ADGRL3: variants seen among roughly 807,000 people sequenced by gnomAD.
ADGRL3 encodes the protein calcium-independent alpha-latrotoxin receptor 3.
In ADGRL3, 62 loss-of-function variants were observed where a neutral mutation model predicts 153.5. The observed-to-expected ratio is 0.40, with a 90% CI of 0.33 to 0.50. ADGRL3 has a LOEUF of 0.50. Ranked by LOEUF, ADGRL3 falls within the 20% of genes least tolerant of loss-of-function variation. The pLI, the probability that ADGRL3 is intolerant of heterozygous loss-of-function variation, is 0.47. For missense variants in ADGRL3, 1,641 were observed against 1,859.4 expected (o/e 0.88, Z 2.16); for synonymous variants, 710 against 672.5 (o/e 1.06, Z -0.86).
chr4:61,948,611 A>G (rs896785099), intron 17 of ADGRL3, among the ~76,000 whole-genome samples: 2 of 152,190 alleles, frequency 1.3e-5, no homozygotes, highest in African/African-American at 2.4e-5. Flanking sequence ...GTTGGTTTAG[A>G]AAGCTGGGAC....
At chr4:61,960,931 A>G (rs2098985536) in intron 17 of ADGRL3, among the ~76,000 whole-genome samples, 1 of 152,020 alleles carries the variant, frequency 6.6e-6, no homozygotes, top group Non-Finnish European at 1.5e-5. Context: ...GAGGGTTTCG[A>G]TCTCTTGACC....
At chr4:61,488,173 T>C (rs2098218373) in intron 2 of ADGRL3, among the ~76,000 whole-genome samples, 1 of 151,986 alleles carries the variant, frequency 6.6e-6, no homozygotes, top group Non-Finnish European at 1.5e-5. Flanking sequence ...TTAATAGACA[T>C]TTATTAGATC....
At chr4:61,902,559 A>G (rs184095348) in intron 11 of ADGRL3, among the ~76,000 whole-genome samples, 1 of 152,104 alleles carries the variant, frequency 6.6e-6, no homozygotes. Flanking sequence ...CTTCATCATG[A>G]CTTCTAAACC....
chr4:61,692,333 T>G (rs1020797511), intron 6 of ADGRL3, among the ~76,000 whole-genome samples: 2 of 60,750 alleles, frequency 3.3e-5, no homozygotes, highest in Non-Finnish European at 5.7e-5. Context: ...TTCCCCTCTA[T>G]TTCTCAACCC....
intron 21 of ADGRL3, among the ~76,000 whole-genome samples, chr4:61,998,927 T>TC (rs1013454746): frequency 2.6e-4 from 40 of 151,604 alleles, no homozygotes; most frequent in African/African-American, 9.5e-4. Context: ...ACACTCCATC[T>TC]CCCCCTCCAG....
chr4:62,024,285 T>C (rs867325813), intron 21 of ADGRL3, among the ~76,000 whole-genome samples: 4 of 152,218 alleles, frequency 2.6e-5, no homozygotes, highest in African/African-American at 9.6e-5. Flanking sequence ...TGTTTTGCCT[T>C]CAAATTTGCA....
chr4:61,610,023 A>G (rs2099046938), intron 5 of ADGRL3, among the ~76,000 whole-genome samples: 1 of 151,940 alleles, frequency 6.6e-6, no homozygotes, highest in African/African-American at 2.4e-5. Context: ...AATTATATCA[A>G]GATTATAGTA....
chr4:61,852,949 T>G (rs1236816170), intron 9 of ADGRL3, among the ~76,000 whole-genome samples: 1 of 152,142 alleles, frequency 6.6e-6, no homozygotes, highest in Non-Finnish European at 1.5e-5. Flanking sequence ...GAAACTTTAG[T>G]GCTATAGAGG....
intron 19 of ADGRL3, among the ~76,000 whole-genome samples, chr4:61,986,783 A>G (rs938212254): frequency 5.3e-5 from 8 of 152,208 alleles, no homozygotes; most frequent in African/African-American, 1.9e-4. Flanking sequence ...TTGTAAATAA[A>G]TTGTCCACAC....
intron 9 of ADGRL3, among the ~76,000 whole-genome samples, chr4:61,826,359 G>C (rs147039369): frequency 5.8e-4 from 89 of 152,238 alleles, no homozygotes; most frequent in African/African-American, 2.1e-3. Flanking sequence ...ACTAAGTAAG[G>C]CCTCCTATTT....
chr4:61,605,837 A>G lies in ADGRL3; in HGVS notation c.473+18397A>G, dbSNP rs1025932975. ...CAAGTCCAGGATTGACAGCATAAAC[A>G]GACTCAAAATGCCCATGAAAATAAG... On this transcript the variant is annotated intron_variant, in intron 5 of 26. Coordinates refer to ENST00000683033, the MANE Select transcript of ADGRL3 (RefSeq NM_001387552.1). 5.3e-5 allele frequency among the ~76,000 whole-genome samples: 8 copies of G among 152,198 alleles called. No homozygotes were observed. The South Asian group carries it at 1.7e-3, about 32-fold the overall frequency.
chr4:61,325,110 G>A lies in ADGRL3; in HGVS notation c.-239-58014G>A, dbSNP rs771164607. On this transcript the variant is annotated intron_variant, in intron 1 of 26. Transcript: ENST00000683033. ...GGGTGAATCACGAGGTCAGGAGATC[G>A]AGACCATCCTGGCCCACATGGTGAA... 9.2e-5 allele frequency among the ~76,000 whole-genome samples: 14 copies of A among 152,090 alleles called. 1 individual carries two copies. In the East Asian group the frequency reaches 1.6e-3, roughly 17 times the overall value.
intron 1 of ADGRL3, among the ~76,000 whole-genome samples, chr4:61,371,038 G>C (rs1157852922): frequency 1.3e-4 from 19 of 151,336 alleles, no homozygotes; most frequent in African/African-American, 2.7e-4. Context: ...TTTTATCAGA[G>C]ACTAGGATTG....
intron 6 of ADGRL3, among the ~76,000 whole-genome samples, chr4:61,724,095 A>C (rs1277381289): frequency 6.6e-6 from 1 of 152,166 alleles, no homozygotes; most frequent in Non-Finnish European, 1.5e-5. Context: ...ATAAACACGC[A>C]TATTTAGTCT....
intron 2 of ADGRL3, among the ~76,000 whole-genome samples, chr4:61,444,728 A>G (rs1218993283): frequency 1.3e-5 from 2 of 152,126 alleles, no homozygotes; most frequent in East Asian, 3.9e-4. Context: ...GTTAAATACA[A>G]GAATCTCTGC....
chr4:61,918,474 A>G (rs150166927), intron 13 of ADGRL3, among the ~76,000 whole-genome samples: 197 of 152,312 alleles, frequency 1.3e-3, no homozygotes, highest in Non-Finnish European at 2.4e-3. Flanking sequence ...AATGTTCTAG[A>G]TGAATTCATC....
intron 4 of ADGRL3, among the ~76,000 whole-genome samples, chr4:61,578,868 G>A (rs1417413528): frequency 6.6e-6 from 1 of 152,068 alleles, no homozygotes; most frequent in African/African-American, 2.4e-5. Context: ...GCATAGGCAT[G>A]TATTCATTCT....
intron 2 of ADGRL3, among the ~76,000 whole-genome samples, chr4:61,484,706 G>GT (rs2098170331): frequency 6.6e-6 from 1 of 152,018 alleles, no homozygotes; most frequent in Admixed American, 6.6e-5. Flanking sequence ...CATTTTAAGT[G>GT]TTCTTATAAT....
rs185892307 is a variant in ADGRL3, at chr4:61,290,448, T to C, written c.-240+88683T>C. Among the ~76,000 whole-genome samples, 600 of 152,186 alleles carry C rather than the reference T, an allele frequency of 3.9e-3. 5 individuals are homozygous for C. The highest frequency in any genetic ancestry group is 8.3e-3 in the Admixed American group (127 of 15,240). ...CACTATTTCTCTATGTTTAAGCACATGTGCACACACAATGGTAAGGAAGAT... is the reference window on the plus strand; with the variant it reads ...CACTATTTCTCTATGTTTAAGCACACGTGCACACACAATGGTAAGGAAGAT... On this transcript the variant is annotated intron_variant, in intron 1 of 26. Coordinates refer to ENST00000683033, the MANE Select transcript of ADGRL3 (RefSeq NM_001387552.1).
Sources: allele counts gnomAD v4.1 joint callset (sites outside exome capture counted in the v4.1 genomes callset), GRCh38; gene constraint gnomAD v4.1.1; transcripts MANE v1.5; gene names NCBI Gene and HGNC (gene_info 2026-07-23, HGNC 2026-07-21).